Variants in CEMIP2 observed in about 807,000 individuals in gnomAD.
CEMIP2 encodes the protein cell surface hyaluronidase CEMIP2.
CEMIP2 carries 79 observed loss-of-function variants against 146.9 expected under a neutral mutation model. The ratio of observed to expected loss-of-function variants is 0.54; its 90% CI spans 0.45 to 0.65. The LOEUF is 0.65. CEMIP2 is among the 30% of genes least tolerant of loss of function. The pLI is 0.00. For missense variants in CEMIP2, 1,596 were observed against 1,696.2 expected (o/e 0.94, Z 1.04); for synonymous variants, 601 against 606.3 (o/e 0.99, Z 0.13).
chr9:71,723,148 A>C lies in CEMIP2; in HGVS notation c.2179-633T>G, dbSNP rs545975177. Reference sequence around the variant, plus strand: ...TGGAACAGCCAAAGAAAAAAAAAAAAAAAACAAAACCATGATGGACAAACA... The same window carrying C: ...TGGAACAGCCAAAGAAAAAAAAAAACAAAACAAAACCATGATGGACAAACA... On this transcript the variant is annotated intron_variant, in intron 11 of 23. Coordinates refer to ENST00000377044, the MANE Select transcript of CEMIP2 (RefSeq NM_013390.3). 1.8e-4 allele frequency among the ~76,000 whole-genome samples: 27 copies of C among 151,724 alleles called. 1 individual carries two copies. Among genetic ancestry groups the C allele is most frequent in the East Asian group, 1.7e-3 (9 of 5,180 alleles).
At chr9:71,752,099 G>A (rs1481309638) in intron 1 of CEMIP2, among the ~76,000 whole-genome samples, 1 of 151,972 alleles carries the variant, frequency 6.6e-6, no homozygotes, top group African/African-American at 2.4e-5. Context: ...AGAAACTGAG[G>A]CCCAGGGAGG....
intron 5 of CEMIP2, among the ~76,000 whole-genome samples, chr9:71,737,803 A>G (rs1462154129): frequency 6.6e-6 from 1 of 152,224 alleles, no homozygotes; most frequent in Non-Finnish European, 1.5e-5. Flanking sequence ...TGTTTTCTGA[A>G]TATGTGTCTT....
At chr9:71,685,687 A>T (rs1370885046) in intron 23 of CEMIP2, 56 bp downstream of exon 23, 1 of 1,433,556 alleles carries the variant, frequency 7.0e-7, no homozygotes, top group Non-Finnish European at 9.8e-7. Flanking sequence ...TTGCACCATA[A>T]AATTACCTAT....
chr9:71,738,244 C>G (rs117567466), intron 5 of CEMIP2, among the ~76,000 whole-genome samples: 10,742 of 151,764 alleles, frequency 0.071, 530 homozygotes, highest in South Asian at 0.19. Flanking sequence ...TTCAGTAATG[C>G]AACCATGCCT....
intron 6 of CEMIP2, among the ~76,000 whole-genome samples, chr9:71,733,967 C>T (rs1241459270): frequency 6.6e-6 from 1 of 152,154 alleles, no homozygotes; most frequent in Non-Finnish European, 1.5e-5. Context: ...CCTCAGCCTC[C>T]CTAGCAGCTG....
At chr9:71,695,709 T>G (rs1437314302) in intron 20 of CEMIP2, among the ~76,000 whole-genome samples, 1 of 152,090 alleles carries the variant, frequency 6.6e-6, no homozygotes, top group African/African-American at 2.4e-5. Flanking sequence ...ACAGTCAAAA[T>G]GATCCCAAGT....
At chr9:71,737,936 C>G (rs141491754) in intron 5 of CEMIP2, among the ~76,000 whole-genome samples, 68 of 152,198 alleles carry the variant, frequency 4.5e-4, no homozygotes, top group African/African-American at 1.6e-3. Flanking sequence ...TTCATCAAAA[C>G]AACCGTGAGA....
chr9:71,691,462 C>T (rs1327621780), intron 21 of CEMIP2, among the ~76,000 whole-genome samples: 1 of 148,692 alleles, frequency 6.7e-6, no homozygotes, highest in Non-Finnish European at 1.5e-5. Context: ...TAGCTAATTG[C>T]ACCAATCCAG....
chr9:71,705,734 A>T (rs1257820333), intron 17 of CEMIP2, among the ~76,000 whole-genome samples: 2 of 149,792 alleles, frequency 1.3e-5, no homozygotes, highest in Non-Finnish European at 3.0e-5. Context: ...ATTAATTTAA[A>T]CATACTTATG....
Position 71,704,802 on chromosome 9 carries a change from A to C in CEMIP2, c.2987T>G (p.Val996Gly), listed in dbSNP as rs547044472. The change falls in exon 18 of 24, where the codon GTC becomes GGC. Residue 996 changes from valine to glycine, a missense_variant and splice_region_variant. Transcript: ENST00000377044. Reference sequence around the variant, plus strand: ...CTGAGTGCTCCATGTCTGTACATAGACCTTGAAAAAATAATCAAGAAGTAA... The same window carrying C: ...CTGAGTGCTCCATGTCTGTACATAGCCCTTGAAAAAATAATCAAGAAGTAA... The part of the protein sequence containing the change: ...AVICSGTYAQ[V>G]YVQTWSTQNL... The C allele has an allele frequency of 6.2e-7, 1 of 1,612,404 alleles. No individual in the cohort carries two copies. The highest frequency in any genetic ancestry group is 8.5e-7 in the Non-Finnish European group (1 of 1,178,612).
At chr9:71,738,657 G>A (rs899010716) in intron 5 of CEMIP2, among the ~76,000 whole-genome samples, 2 of 152,070 alleles carry the variant, frequency 1.3e-5, no homozygotes, top group African/African-American at 4.8e-5. Flanking sequence ...GGCCAAGATG[G>A]TGAAACCCCA....
chr9:71,707,866 AT>A (rs751607022), intron 17 of CEMIP2, among the ~76,000 whole-genome samples: 26 of 152,016 alleles, frequency 1.7e-4, no homozygotes, highest in Non-Finnish European at 2.8e-4. Flanking sequence ...CTGATCATCT[AT>A]TTCCTTTATC....
Position 71,692,365 on chromosome 9 carries a change from A to ATCTCTCTCTCTCTC in CEMIP2, c.3696+2130_3697-2120dup, listed in dbSNP as rs10683725. Among the ~76,000 whole-genome samples, 222 of 90,550 alleles carry ATCTCTCTCTCTCTC rather than the reference A, an allele frequency of 2.5e-3. 1 individual carries two copies. Among genetic ancestry groups the ATCTCTCTCTCTCTC allele is most frequent in the African/African-American group, 9.4e-3 (205 of 21,862 alleles). The allele number at this position is 90,550 out of a possible 152,430, so 59.4% of individuals were successfully genotyped here. A position where few individuals can be genotyped will look rare whatever the true frequency, so the allele number is the denominator to read the frequency against. On this transcript the variant is annotated intron_variant, in intron 21 of 23. Coordinates refer to ENST00000377044, the MANE Select transcript of CEMIP2 (RefSeq NM_013390.3). ...CTCTCTCTCTCTCTCTCTACCCCCC[A>ATCTCTCTCTCTCTC]TCTCTCTCTCTCTCTCTCTCTCTCT...
Position 71,750,192 on chromosome 9 carries a change from G to C in CEMIP2, c.182C>G (p.Ala61Gly). ...GGCTTGCTGTTCTTCAGGTGAGAAT[G>C]CGAAGGTTGCCCGGTCTTCTCGTCT... ...SIRREDRATF[A>G]FSPEEQQAQR... The change falls in exon 2 of 24, where the codon GCA (alanine) becomes GGA (glycine). Residue 61 changes from alanine to glycine, a missense_variant. Ala to Gly is a moderately conservative substitution (Grantham distance 60). Transcript: ENST00000377044. The C allele has an allele frequency of 6.8e-6, 11 of 1,614,068 alleles. No homozygotes were observed. Among genetic ancestry groups the C allele is most frequent in the Non-Finnish European group, 9.3e-6 (11 of 1,179,996 alleles).
intron 18 of CEMIP2, among the ~76,000 whole-genome samples, chr9:71,702,439 A>AG (rs942340674): frequency 1.3e-5 from 2 of 151,438 alleles, no homozygotes; most frequent in Admixed American, 6.6e-5. Flanking sequence ...TCATGGGGTA[A>AG]GGGGGGTAGT....
At chr9:71,746,097 A>T (rs1451579682) in intron 3 of CEMIP2, 104 bp downstream of exon 3, 2 of 1,303,168 alleles carry the variant, frequency 1.5e-6, no homozygotes, top group African/African-American at 3.0e-5. Flanking sequence ...ACCACAAACT[A>T]AAGCCTATTC....
At position 71,732,403 on chromosome 9, in the gene CEMIP2, G is replaced by C; in HGVS notation, c.1511C>G (p.Ala504Gly). 1 of 1,613,500 alleles carries C rather than the reference G, an allele frequency of 6.2e-7. No individual in the cohort carries two copies. The highest frequency in any genetic ancestry group is 8.5e-7 in the Non-Finnish European group (1 of 1,179,912). ...ATCAAAAAATTGGCACTGATTTTCT[G>C]CGTAGCATGAGTCCTCCACTTCTCC... The part of the protein sequence containing the change: ...IQGEVEDSCY[A>G]ENQCQFFDYD... The change falls in exon 7 of 24, where the codon GCA (alanine) becomes GGA (glycine). Residue 504 changes from alanine to glycine, a missense_variant. Ala to Gly is a moderately conservative substitution (Grantham distance 60). Coordinates refer to ENST00000377044, the MANE Select transcript of CEMIP2 (RefSeq NM_013390.3).
At chr9:71,731,861 T>C (rs1823627877) in intron 7 of CEMIP2, among the ~76,000 whole-genome samples, 1 of 152,154 alleles carries the variant, frequency 6.6e-6, no homozygotes, top group Non-Finnish European at 1.5e-5. Context: ...TAGTATATAT[T>C]AATAGAATAC....
Position 71,709,477 on chromosome 9 carries a change from G to A in CEMIP2, c.2770-3C>T, listed in dbSNP as rs771557745. On this transcript the variant is annotated splice_polypyrimidine_tract_variant and splice_region_variant and intron_variant, in intron 16 of 23. Coordinates refer to ENST00000377044, the MANE Select transcript of CEMIP2 (RefSeq NM_013390.3). ...CCAAAAAAGACATTCAGAGAGACCT[G>A]ACCACAGTGAAAAAGAAAGACATCA... 6.2e-7 allele frequency: 1 copy of A among 1,613,630 alleles called. No homozygotes were observed. Among genetic ancestry groups the A allele is most frequent in the South Asian group, 1.1e-5 (1 of 91,018 alleles).
Sources: gnomAD v4.1 joint callset for allele counts (sites outside exome capture counted in the v4.1 genomes callset) on GRCh38, gnomAD v4.1.1 for gene constraint, MANE v1.5 for transcripts, NCBI Gene and HGNC (gene_info 2026-07-23, HGNC 2026-07-21) for gene names.